The following RBM27 variants were observed in gnomAD, a reference collection of about 807,000 sequenced individuals.
RBM27 encodes the protein RNA binding motif protein 27.
In RBM27, 22 loss-of-function variants were observed where a neutral mutation model predicts 135.3. That is an observed-to-expected ratio of 0.16 (90% confidence interval 0.12 to 0.23). The LOEUF is 0.23. Ranked by LOEUF, RBM27 falls within the 10% of genes least tolerant of loss-of-function variation. The pLI is 1.00. For missense variants in RBM27, 1,009 were observed against 1,281.0 expected (o/e 0.79, Z 3.24); for synonymous variants, 481 against 442.4 (o/e 1.09, Z -1.10).
Position 146,223,531 on chromosome 5 carries a change from A to T in RBM27, c.303+4A>T, listed in dbSNP as rs1192664766. 6.3e-7 allele frequency: 1 copy of T among 1,594,304 alleles called. No individual in the cohort carries two copies. Among genetic ancestry groups the T allele is most frequent in the South Asian group, 1.2e-5 (1 of 86,714 alleles). ...AAAAGAAGAAATTAAAGAAGAGGTA[A>T]TGCAAATTTTTTCTCCTGCTTTTGG... On this transcript the variant is annotated splice_donor_region_variant and intron_variant, in intron 3 of 20. Transcript: ENST00000265271.
Position 146,256,294 on chromosome 5 carries a change from A to G in RBM27, c.1594+1202A>G, listed in dbSNP as rs139622823. On this transcript the variant is annotated intron_variant, in intron 10 of 20. Coordinates refer to ENST00000265271, the MANE Select transcript of RBM27 (RefSeq NM_018989.2). ...ATGCCTTCTCATATATATATATTTT[A>G]TATATATATTATTTATATATATATT... Among the ~76,000 whole-genome samples, 353 of 146,516 alleles carry G rather than the reference A, an allele frequency of 2.4e-3. 1 individual carries two copies. Among genetic ancestry groups the G allele is most frequent in the African/African-American group, 8.2e-3 (330 of 40,450 alleles).
Position 146,288,725 on chromosome 5 carries a change from A to G in RBM27, c.*2695A>G, listed in dbSNP as rs992749290. The G allele has an allele frequency of 2.6e-5, 4 of 152,112 alleles. No homozygotes were observed. The highest frequency in any genetic ancestry group is 9.6e-5 in the African/African-American group (4 of 41,454). The allele number at this position is 152,112 out of a possible 1,614,324, so 9.4% of individuals were successfully genotyped here. ...CCAGTTGACTAGGTCAGCCTGATATACTAGTGGATCACTGTCCAAGATAAA... is the reference window on the plus strand; with the variant it reads ...CCAGTTGACTAGGTCAGCCTGATATGCTAGTGGATCACTGTCCAAGATAAA... On this transcript the variant is annotated 3_prime_UTR_variant, in exon 21 of 21. Transcript: ENST00000265271.
At chr5:146,240,233 T>C (rs561899597) in intron 8 of RBM27, among the ~76,000 whole-genome samples, 2 of 151,448 alleles carry the variant, frequency 1.3e-5, no homozygotes, top group Admixed American at 6.6e-5. Flanking sequence ...ATATACTCTG[T>C]CTTCACCTCT....
At chr5:146,210,290 G>C (rs1755876514) in intron 1 of RBM27, among the ~76,000 whole-genome samples, 1 of 152,158 alleles carries the variant, frequency 6.6e-6, no homozygotes, top group Admixed American at 6.5e-5. Flanking sequence ...TTTTGTGCAT[G>C]TATTTAGCTA....
At chr5:146,235,147 AAC>A (rs1434836184) in intron 7 of RBM27, among the ~76,000 whole-genome samples, 2 of 152,138 alleles carry the variant, frequency 1.3e-5, no homozygotes, top group African/African-American at 4.8e-5. Flanking sequence ...ATTTCTTTTT[AAC>A]ATTTTATTTT....
intron 8 of RBM27, among the ~76,000 whole-genome samples, chr5:146,243,253 C>T (rs561089003): frequency 2.6e-5 from 4 of 151,840 alleles, no homozygotes; most frequent in Non-Finnish European, 4.4e-5. Context: ...GCAACAAGAG[C>T]GAAACGCCAT....
chr5:146,211,464 CTTTTTTTTT>C (rs57117642), intron 1 of RBM27, among the ~76,000 whole-genome samples: 29 of 49,930 alleles, frequency 5.8e-4, no homozygotes, highest in Admixed American at 1.2e-3. Context: ...ATGGTCTTAT[CTTTTTTTTT>C]TTTTTTTTTT....
intron 1 of RBM27, among the ~76,000 whole-genome samples, chr5:146,209,383 T>G (rs1755842106): frequency 6.6e-6 from 1 of 152,178 alleles, no homozygotes; most frequent in African/African-American, 2.4e-5. Context: ...ATGTGCAGTT[T>G]TTGTGATTTC....
At chr5:146,234,752 G>C (rs1757086890) in intron 7 of RBM27, among the ~76,000 whole-genome samples, 1 of 151,932 alleles carries the variant, frequency 6.6e-6, no homozygotes, top group African/African-American at 2.4e-5. Flanking sequence ...TGGCAAATTA[G>C]GCTGGGCATG....
At chr5:146,232,081 A>G (rs1013730431) in intron 6 of RBM27, among the ~76,000 whole-genome samples, 7 of 152,198 alleles carry the variant, frequency 4.6e-5, no homozygotes, top group Non-Finnish European at 1.0e-4. Flanking sequence ...TGACAAAATG[A>G]TATGCTTAAC....
chr5:146,263,408 C>A, intron 13 of RBM27, 83 bp from the exon 14 acceptor site: 1 of 1,375,034 alleles, frequency 7.3e-7, no homozygotes, highest in South Asian at 1.4e-5. Flanking sequence ...ATCTTCTTCC[C>A]TAGAGTAATC....
intron 1 of RBM27, among the ~76,000 whole-genome samples, chr5:146,207,951 G>GTTTTTTTT (rs11401604): frequency 1.2e-5 from 1 of 81,208 alleles, no homozygotes; most frequent in African/African-American, 5.2e-5. Context: ...GGCCTAACAG[G>GTTTTTTTT]TTTTTTTTTT....
At chr5:146,208,371 G>C (rs572572067) in intron 1 of RBM27, among the ~76,000 whole-genome samples, 1 of 152,270 alleles carries the variant, frequency 6.6e-6, no homozygotes, top group Non-Finnish European at 1.5e-5. Flanking sequence ...TGTAGGTGGC[G>C]AACATGTCTA....
Position 146,282,000 on chromosome 5 carries a change from C to CTTT in RBM27, c.2989-2603_2989-2601dup, listed in dbSNP as rs777368235. 7.4e-3 allele frequency among the ~76,000 whole-genome samples: 753 copies of CTTT among 101,462 alleles called. 5 individuals are homozygous for CTTT. Among genetic ancestry groups the CTTT allele is most frequent in the African/African-American group, 9.2e-3 (232 of 25,306 alleles). The allele number at this position is 101,462 out of a possible 152,430, so 66.6% of individuals were successfully genotyped here. The stretch of plus-strand genomic sequence containing the variant: ...CAATATACCACAGTTTATTTTTCAT[C>CTTT]TTTTTTTTTTTTTTTTTTTTTGAGA... On this transcript the variant is annotated intron_variant, in intron 19 of 20. Transcript: ENST00000265271.
intron 10 of RBM27, 40 bp downstream of exon 10, chr5:146,255,132 G>A: frequency 6.4e-7 from 1 of 1,555,690 alleles, no homozygotes; most frequent in Non-Finnish European, 8.8e-7. Flanking sequence ...TAAGTGTTAT[G>A]CAGTAGTTGG....
chr5:146,253,014 T>G (rs202099237), intron 9 of RBM27, among the ~76,000 whole-genome samples: 1 of 152,136 alleles, frequency 6.6e-6, no homozygotes, highest in Non-Finnish European at 1.5e-5. Context: ...TTTGAGACAG[T>G]CTCTCGCTCT....
chr5:146,240,474 C>A (rs951067038), intron 8 of RBM27, among the ~76,000 whole-genome samples: 1 of 151,946 alleles, frequency 6.6e-6, no homozygotes, highest in African/African-American at 2.4e-5. Context: ...TTACAGTCGC[C>A]CACCACCACA....
chr5:146,272,145 A>G (rs866997424), intron 19 of RBM27, among the ~76,000 whole-genome samples: 1 of 152,368 alleles, frequency 6.6e-6, no homozygotes, highest in Middle Eastern at 3.4e-3. Flanking sequence ...CTTTCCAGCC[A>G]CTCATTCATT....
chr5:146,222,936 T>A lies in RBM27; in HGVS notation c.179-467T>A, dbSNP rs74329978. ...ATAAAGGTATACCATGAAAGTCTCT[T>A]ACCTGTTTTATATCCACCGCGTTCC... is the stretch of plus-strand genomic sequence containing the variant. On this transcript the variant is annotated intron_variant, in intron 2 of 20. Coordinates refer to ENST00000265271, the MANE Select transcript of RBM27 (RefSeq NM_018989.2). Among the ~76,000 whole-genome samples, 17 of 152,324 alleles carry A rather than the reference T, an allele frequency of 1.1e-4. No homozygotes were observed. In the East Asian group the frequency reaches 3.3e-3, roughly 29 times the overall value.
Sources: allele counts gnomAD v4.1 joint callset (sites outside exome capture counted in the v4.1 genomes callset), GRCh38; gene constraint gnomAD v4.1.1; transcripts MANE v1.5; gene names NCBI Gene and HGNC (gene_info 2026-07-23, HGNC 2026-07-21).